The following ITPRID1 variants were observed in gnomAD, a reference collection of about 807,000 sequenced individuals.
ITPRID1 encodes the protein protein ITPRID1.
In ITPRID1, 96 loss-of-function variants were observed where a neutral mutation model predicts 95.4. The observed-to-expected ratio is 1.01, with a 90% confidence interval of 0.85 to 1.19. The LOEUF is 1.19. ITPRID1 is among the 50% of genes most tolerant of loss of function. ITPRID1 has a pLI of 0.00. For synonymous variants in ITPRID1, 510 were observed against 453.6 expected (o/e 1.12, Z -1.58); for missense variants, 1,339 against 1,252.9 (o/e 1.07, Z -1.04).
chr7:31,650,504 G>A (rs1367393055), intron 12 of ITPRID1, among the ~76,000 whole-genome samples: 1 of 152,142 alleles, frequency 6.6e-6, no homozygotes, highest in Non-Finnish European at 1.5e-5. Context: ...AGGAGCAATG[G>A]GAAGGATTAA....
chr7:31,600,687 C>G (rs1486809350), intron 10 of ITPRID1, among the ~76,000 whole-genome samples: 1 of 152,188 alleles, frequency 6.6e-6, no homozygotes, highest in Non-Finnish European at 1.5e-5. Flanking sequence ...GAAGTGACCA[C>G]AGGTGGTCTG....
chr7:31,580,231 G>A (rs890151352), intron 9 of ITPRID1, among the ~76,000 whole-genome samples: 6 of 149,550 alleles, frequency 4.0e-5, no homozygotes, highest in African/African-American at 1.5e-4. Context: ...CCGGGAGGTG[G>A]AGGTTGCAGT....
chr7:31,521,692 T>G (rs1783264303), intron 1 of ITPRID1, among the ~76,000 whole-genome samples: 1 of 121,436 alleles, frequency 8.2e-6, no homozygotes, highest in Non-Finnish European at 1.7e-5. Flanking sequence ...CCTTCCTCCT[T>G]TATTCCCTCC....
intron 1 of ITPRID1, among the ~76,000 whole-genome samples, chr7:31,539,713 C>T (rs1783871152): frequency 6.6e-6 from 1 of 152,120 alleles, no homozygotes. Context: ...TGGTCAGGTG[C>T]ACTTTCTCTT....
rs1187012161 is a variant in ITPRID1, at chr7:31,577,862, G to T, written c.599-1G>T. The T allele has an allele frequency of 3.8e-6, 6 of 1,583,550 alleles. No homozygotes were observed. Among genetic ancestry groups the T allele is most frequent in the Non-Finnish European group, 4.3e-6 (5 of 1,165,516 alleles). On this transcript the variant is annotated splice_acceptor_variant, in intron 8 of 14. Coordinates refer to ENST00000615280, the MANE Select transcript of ITPRID1 (RefSeq NM_001257967.3). LOFTEE classifies it high-confidence loss of function. ...ACTTTCGTGTTTCTTGTGTTGTGCA[G>T]GTCGTTTCCGACAGCTGGAAATCCT...
At chr7:31,625,754 CTAAACT>C (rs1206727700) in intron 10 of ITPRID1, among the ~76,000 whole-genome samples, 1 of 151,598 alleles carries the variant, frequency 6.6e-6, no homozygotes, top group Non-Finnish European at 1.5e-5. Flanking sequence ...CACATGTACC[CTAAACT>C]TAAAGTATAA....
intron 10 of ITPRID1, among the ~76,000 whole-genome samples, chr7:31,611,603 C>T (rs1052566290): frequency 3.5e-4 from 53 of 151,766 alleles, no homozygotes; most frequent in African/African-American, 1.1e-3. Context: ...ATTCTATATT[C>T]TATATTCTAT....
intron 10 of ITPRID1, among the ~76,000 whole-genome samples, chr7:31,631,186 TAAA>T (rs984263457): frequency 6.6e-6 from 1 of 151,158 alleles, no homozygotes; most frequent in Non-Finnish European, 1.5e-5. Flanking sequence ...GAAGAGCAGA[TAAA>T]AAAAAAGAGA....
chr7:31,652,594 A>G lies in ITPRID1; in HGVS notation c.2900A>G (p.Asn967Ser). Residue 967 changes from asparagine to serine, a missense_variant, in exon 15 of 15, where the codon AAT becomes AGT. Coordinates refer to ENST00000615280, the MANE Select transcript of ITPRID1 (RefSeq NM_001257967.3). ...LHQYNWIEES[N>S]GQTSCSKIHP... Reference sequence around the variant, plus strand: ...CAATATAACTGGATAGAAGAAAGCAATGGGCAGACTTCATGTTCTAAAATC... The same window carrying G: ...CAATATAACTGGATAGAAGAAAGCAGTGGGCAGACTTCATGTTCTAAAATC... The G allele has an allele frequency of 1.2e-6, 2 of 1,613,002 alleles. No homozygotes were observed. The highest frequency in any genetic ancestry group is 1.7e-6 in the Non-Finnish European group (2 of 1,179,502).
chr7:31,616,169 C>T (rs575272568), intron 10 of ITPRID1, among the ~76,000 whole-genome samples: 3 of 150,926 alleles, frequency 2.0e-5, no homozygotes, highest in South Asian at 4.3e-4. Context: ...TTACAGTTTT[C>T]AAGAATTATG....
intron 1 of ITPRID1, among the ~76,000 whole-genome samples, chr7:31,519,620 C>CTCTCTCTATATA: frequency 4.8e-4 from 12 of 25,260 alleles, no homozygotes; most frequent in Middle Eastern, 0.023. Context: ...CTCTCTCTCT[C>CTCTCTCTATATA]TATATATATA....
chr7:31,636,048 G>T (rs1288542157), intron 10 of ITPRID1, among the ~76,000 whole-genome samples: 1 of 152,166 alleles, frequency 6.6e-6, no homozygotes, highest in Non-Finnish European at 1.5e-5. Flanking sequence ...AGGGCAGCAG[G>T]AGAGAGAATG....
rs1220628979 is a variant in ITPRID1, at chr7:31,520,554, TGTGTGTGTGTGAGAGAGAGA to T, written c.-98+6436_-98+6455del. Among the ~76,000 whole-genome samples the T allele has an allele frequency of 7.3e-4, 65 of 88,464 alleles. 1 individual carries two copies. The highest frequency in any genetic ancestry group is 5.6e-3 in the Middle Eastern group (1 of 178). 58.0% of individuals were successfully genotyped at this position (88,464 alleles called of 152,430 possible). A position where few individuals can be genotyped will look rare whatever the true frequency, so the allele number is the denominator to read the frequency against. Reference sequence around the variant, plus strand: ...GTGTGTGTGTGTGTGTGTGTGTGTGTGTGTGTGTGTGAGAGAGAGAGAGAGAGTTTGGCACTTTTCTTACT... The same window carrying T: ...GTGTGTGTGTGTGTGTGTGTGTGTGTGAGAGAGTTTGGCACTTTTCTTACT... On this transcript the variant is annotated intron_variant, in intron 1 of 14. Coordinates refer to ENST00000615280, the MANE Select transcript of ITPRID1 (RefSeq NM_001257967.3).
At chr7:31,647,729 G>A (rs377576626) in intron 12 of ITPRID1, among the ~76,000 whole-genome samples, 4 of 148,836 alleles carry the variant, frequency 2.7e-5, no homozygotes, top group South Asian at 2.2e-4. Flanking sequence ...CGACAACGAC[G>A]ACGACAATGG....
intron 5 of ITPRID1, among the ~76,000 whole-genome samples, chr7:31,567,527 T>C (rs1784840307): frequency 6.6e-6 from 1 of 151,934 alleles, no homozygotes; most frequent in African/African-American, 2.4e-5. Context: ...GCCGTATATA[T>C]TCCCACTCAC....
rs1443485684 is a variant in ITPRID1, at chr7:31,551,273, T to C, written c.-23-1729T>C. 2.8e-5 allele frequency among the ~76,000 whole-genome samples: 4 copies of C among 143,606 alleles called. 1 individual carries two copies. In the Admixed American group the frequency reaches 2.8e-4, roughly 10 times the overall value. 94.2% of individuals were successfully genotyped at this position (143,606 alleles called of 152,430 possible). A position where few individuals can be genotyped will look rare whatever the true frequency, so the allele number is the denominator to read the frequency against. ...CACTGCTGAAGAGTTATGTGTTTCC[T>C]TGAAAGACCCAAAACCTATGTGAAG... is the stretch of plus-strand genomic sequence containing the variant. On this transcript the variant is annotated intron_variant, in intron 2 of 14. Coordinates refer to ENST00000615280, the MANE Select transcript of ITPRID1 (RefSeq NM_001257967.3).
At chr7:31,523,584 G>A (rs1352382172) in intron 1 of ITPRID1, among the ~76,000 whole-genome samples, 1 of 152,156 alleles carries the variant, frequency 6.6e-6, no homozygotes, top group African/African-American at 2.4e-5. Context: ...TTCGTCATGG[G>A]GGTGGATCTC....
chr7:31,547,691 A>G (rs1245695578), intron 1 of ITPRID1, among the ~76,000 whole-genome samples: 4 of 152,134 alleles, frequency 2.6e-5, no homozygotes, highest in Admixed American at 1.3e-4. Context: ...GAATAGAGGA[A>G]TCAGAGAAGA....
chr7:31,541,280 C>A (rs187403207), intron 1 of ITPRID1, among the ~76,000 whole-genome samples: 1 of 152,278 alleles, frequency 6.6e-6, no homozygotes, highest in East Asian at 1.9e-4. Context: ...TCCTGTCCTG[C>A]ATAATATTAA....
Sources: gnomAD v4.1 joint callset for allele counts (sites outside exome capture counted in the v4.1 genomes callset) on GRCh38, gnomAD v4.1.1 for gene constraint, MANE v1.5 for transcripts, NCBI Gene and HGNC (gene_info 2026-07-23, HGNC 2026-07-21) for gene names.